The following ATP8B1 variants were observed in gnomAD, a reference collection of about 807,000 sequenced individuals.
ATP8B1 encodes ATPase phospholipid transporting 8B1.
In ATP8B1, 80 loss-of-function variants were observed where a neutral mutation model predicts 149.9. The observed-to-expected ratio is 0.53, with a 90% CI of 0.45 to 0.64. ATP8B1 has a LOEUF of 0.64. Ranked by LOEUF, ATP8B1 falls within the 30% of genes least tolerant of loss-of-function variation. The probability of loss-of-function intolerance (pLI) is 0.00; values close to 1 mark genes in which losing one functional copy is unlikely to be tolerated. For synonymous variants in ATP8B1, 536 were observed against 562.8 expected, an observed-to-expected ratio of 0.95 and a Z score of 0.67; for missense variants, 1,247 against 1,552.6, an observed-to-expected ratio of 0.80 and a Z score of 3.31.
chr18:57,756,293 G>C, intron 1 of ATP8B1, among the ~76,000 whole-genome samples: 1 of 87,130 alleles, frequency 1.1e-5, no homozygotes, highest in Non-Finnish European at 2.4e-5. Flanking sequence ...ATATATGTGT[G>C]TGTGTATGTA....
chr18:57,743,144 C>G (rs571133564), intron 1 of ATP8B1, among the ~76,000 whole-genome samples: 2 of 152,320 alleles, frequency 1.3e-5, no homozygotes, highest in South Asian at 4.1e-4. Flanking sequence ...TCATTACCTT[C>G]TTACTAATGA....
At chr18:57,734,917 A>C (rs1450791161) in intron 1 of ATP8B1, among the ~76,000 whole-genome samples, 1 of 152,214 alleles carries the variant, frequency 6.6e-6, no homozygotes, top group Non-Finnish European at 1.5e-5. Flanking sequence ...GGAGGCTTGC[A>C]ACTGAGCTCA....
At chr18:57,704,209 C>A (rs1245511724) in intron 4 of ATP8B1, among the ~76,000 whole-genome samples, 1 of 152,142 alleles carries the variant, frequency 6.6e-6, no homozygotes, top group Non-Finnish European at 1.5e-5. Flanking sequence ...CCGAGGTGAT[C>A]CACCCGCCTC....
chr18:57,658,626 T>TG lies in ATP8B1; in HGVS notation c.2707+2547_2707+2548insC, dbSNP rs1491143333. Reference sequence around the variant, plus strand: ...CGACTACTTTATGACCAACAATTTCTTTGTGTGTGTGTGTGTGTGTGTGTG... The same window carrying TG: ...CGACTACTTTATGACCAACAATTTCTGTTGTGTGTGTGTGTGTGTGTGTGTG... On this transcript the variant is annotated intron_variant, in intron 22 of 27. Coordinates refer to ENST00000648908, the MANE Select transcript of ATP8B1 (RefSeq NM_001374385.1). 7.7e-4 allele frequency among the ~76,000 whole-genome samples: 96 copies of TG among 123,954 alleles called. 1 individual carries two copies. The highest frequency in any genetic ancestry group is 3.0e-3 in the African/African-American group (91 of 30,818). The allele number at this position is 123,954 out of a possible 152,430, so 81.3% of individuals were successfully genotyped here. A position where few individuals can be genotyped will look rare whatever the true frequency, so the allele number is the denominator to read the frequency against.
At chr18:57,653,944 C>A in intron 24 of ATP8B1, 48 bp downstream of exon 24, 1 of 1,509,106 alleles carries the variant, frequency 6.6e-7, no homozygotes, top group South Asian at 1.1e-5. Flanking sequence ...ACTTCTCTAA[C>A]GCATTCTCAT....
At chr18:57,682,967 A>G (rs1368315774) in intron 15 of ATP8B1, among the ~76,000 whole-genome samples, 1 of 152,032 alleles carries the variant, frequency 6.6e-6, no homozygotes, top group Non-Finnish European at 1.5e-5. Context: ...AGCTGGGACT[A>G]CAGGCATGTC....
chr18:57,744,430 A>G (rs1322999878), intron 1 of ATP8B1, among the ~76,000 whole-genome samples: 1 of 152,124 alleles, frequency 6.6e-6, no homozygotes, highest in Non-Finnish European at 1.5e-5. Context: ...TGAAGGAAAA[A>G]AAAAGTAAAT....
At chr18:57,767,231 A>G (rs141878201) in intron 1 of ATP8B1, among the ~76,000 whole-genome samples, 39 of 152,320 alleles carry the variant, frequency 2.6e-4, no homozygotes, top group Middle Eastern at 3.4e-3. Flanking sequence ...GGTCCAGTAG[A>G]GTCGCAGACT....
At chr18:57,770,716 G>GGCTT (rs1256502745) in intron 1 of ATP8B1, among the ~76,000 whole-genome samples, 1 of 152,226 alleles carries the variant, frequency 6.6e-6, no homozygotes, top group East Asian at 1.9e-4. Context: ...GGTATACTGG[G>GGCTT]GCTTGCCTAC....
In ATP8B1 at chr18:57,661,236, C is replaced by T. The variant is rs1276567257; in HGVS notation, c.2645G>A (p.Arg882Lys). ...QKAMVVDLVK[R>K]YKKAITLAIG... ...GGCCAGCGTGATGGCTTTCTTGTAC[C>T]TCTTCACCAGGTCCACCACCATGGC... Residue 882 changes from arginine to lysine, a missense_variant, in exon 22 of 28, where the codon AGG becomes AAG. Physicochemically the swap from Arg to Lys is conservative, Grantham distance 26 (BLOSUM62 2). Around this residue, in one of 3 missense-constraint regions of ATP8B1, gnomAD observed 230 missense variants for 356.6 expected, o/e 0.65. Transcript: ENST00000648908. 1 of 1,614,060 alleles carries T rather than the reference C, an allele frequency of 6.2e-7. No homozygotes were observed. The highest frequency in any genetic ancestry group is 1.7e-5 in the Admixed American group (1 of 60,012).
rs1178450509 is a variant in ATP8B1 at position 57,695,258 on chromosome 18, T to C, written c.853A>G (p.Ser285Gly). The C allele has an allele frequency of 2.5e-6, 4 of 1,613,694 alleles. No individual in the cohort carries two copies. In the African/African-American group the frequency reaches 5.3e-5, roughly 22 times the overall value. ...ATTTTATCAGCATCCAAAGGAAAAC[T>C]TGTGTTTCTCCAAAATAGTGTTCCT... ...FTGTLFWRNT[S>G]FPLDADKILL... is the part of the protein sequence containing the mutation. Residue 285 changes from serine to glycine, a missense_variant, in exon 10 of 28, where the codon AGT becomes GGT. Coordinates refer to ENST00000648908, the MANE Select transcript of ATP8B1 (RefSeq NM_001374385.1).
intron 1 of ATP8B1, chr18:57,737,761 G>A (rs2079872911): frequency 6.6e-6 from 1 of 152,148 alleles, no homozygotes; most frequent in South Asian, 2.1e-4. Context: ...CAAACTGCCA[G>A]GCATCTGGAT....
intron 2 of ATP8B1, among the ~76,000 whole-genome samples, chr18:57,713,240 C>CTTCCTTCTTTCT (rs1555694278): frequency 1.2e-3 from 78 of 64,934 alleles, no homozygotes; most frequent in East Asian, 2.5e-3. Context: ...TCCTTCCTTC[C>CTTCCTTCTTTCT]TTCTTTCTTT....
chr18:57,782,054 G>C (rs1185352591), intron 1 of ATP8B1, among the ~76,000 whole-genome samples: 5 of 152,248 alleles, frequency 3.3e-5, no homozygotes, highest in Admixed American at 3.3e-4. Flanking sequence ...TGCTCAGGTT[G>C]CAGTGGGAGC....
intron 2 of ATP8B1, among the ~76,000 whole-genome samples, chr18:57,711,853 G>A (rs1913703960): frequency 6.6e-6 from 1 of 152,124 alleles, no homozygotes; most frequent in Non-Finnish European, 1.5e-5. Context: ...GCCTCCCAGA[G>A]TGCCGGGATT....
rs371545727 is a variant in ATP8B1, at chr18:57,795,200, G to A, written c.-26+7798C>T. ...TAGCTTGAGCCCTGGAGTTCAGCCT[G>A]GGCGACATATCGAGACACACAGACA... On this transcript the variant is annotated intron_variant, in intron 1 of 27. Coordinates refer to ENST00000648908, the MANE Select transcript of ATP8B1 (RefSeq NM_001374385.1). 8.6e-5 allele frequency among the ~76,000 whole-genome samples: 13 copies of A among 152,016 alleles called. 1 individual carries two copies. Among genetic ancestry groups the A allele is most frequent in the Admixed American group, 7.9e-4 (12 of 15,270 alleles).
At chr18:57,769,112 A>G (rs2080244135) in intron 1 of ATP8B1, among the ~76,000 whole-genome samples, 1 of 152,164 alleles carries the variant, frequency 6.6e-6, no homozygotes, top group South Asian at 2.1e-4. Flanking sequence ...TCCTTGCTCA[A>G]CCGTGGTCTG....
intron 1 of ATP8B1, among the ~76,000 whole-genome samples, chr18:57,771,883 T>G (rs1212168018): frequency 6.6e-6 from 1 of 152,158 alleles, no homozygotes; most frequent in African/African-American, 2.4e-5. Context: ...AAAAAACCAG[T>G]TAGCTCTGCC....
chr18:57,761,059 AATAAC>A (rs1468188712), intron 1 of ATP8B1, among the ~76,000 whole-genome samples: 2 of 143,368 alleles, frequency 1.4e-5, no homozygotes, highest in Non-Finnish European at 3.0e-5. Flanking sequence ...AATAACATAA[AATAAC>A]ATAAAATAAA....
Sources: allele counts gnomAD v4.1 joint callset (sites outside exome capture counted in the v4.1 genomes callset), GRCh38; gene constraint gnomAD v4.1.1; regional missense constraint gnomAD v4.1.1; transcripts MANE v1.5; gene names NCBI Gene and HGNC (gene_info 2026-07-23, HGNC 2026-07-21).